ANK3: variants seen among roughly 807,000 people sequenced by gnomAD.
The protein encoded by ANK3 is ankyrin 3.
A neutral mutation model predicts 370.9 loss-of-function variants in ANK3; 57 were observed. That is an observed-to-expected ratio of 0.15 (90% CI 0.12 to 0.19). The LOEUF is 0.19. ANK3 is among the 10% of genes least tolerant of loss of function. ANK3 has a pLI of 1.00. For missense variants in ANK3, 4,439 were observed against 5,302.1 expected (o/e 0.84, Z 5.06); for synonymous variants, 1,929 against 1,946.3 (o/e 0.99, Z 0.23).
chr10:60,617,587 C>T (rs577838134), intron 1 of ANK3, among the ~76,000 whole-genome samples: 2 of 152,274 alleles, frequency 1.3e-5, no homozygotes, highest in African/African-American at 4.8e-5. Context: ...GTGCCTAGCA[C>T]AGCATAAGTG....
intron 1 of ANK3, among the ~76,000 whole-genome samples, chr10:60,322,183 C>T (rs1936046502): frequency 1.3e-5 from 2 of 152,144 alleles, no homozygotes; most frequent in South Asian, 2.1e-4. Context: ...AACTTTTAAG[C>T]TATTTTAATA....
At chr10:60,366,446 T>A (rs1166425089) in intron 1 of ANK3, among the ~76,000 whole-genome samples, 1 of 152,238 alleles carries the variant, frequency 6.6e-6, no homozygotes, top group Non-Finnish European at 1.5e-5. Context: ...GGAGGCACTT[T>A]CAGCACCTCC....
rs529043872 is a variant in ANK3 at position 60,461,840 on chromosome 10, C to T, written c.96+153346G>A. Among the ~76,000 whole-genome samples, 13 of 152,254 alleles carry T rather than the reference C, an allele frequency of 8.5e-5. No homozygotes were observed. The South Asian group carries it at 2.3e-3, about 27-fold the overall frequency. ...GAGATTGATATGAAAATAGCTTCTCCTCACATTAATCCCTCTTCTGCAATC... is the reference window on the plus strand; with the variant it reads ...GAGATTGATATGAAAATAGCTTCTCTTCACATTAATCCCTCTTCTGCAATC... On this transcript the variant is annotated intron_variant, in intron 2 of 43. Transcript: ENST00000373827.
At chr10:60,192,582 A>G (rs2096507399) in intron 16 of ANK3, among the ~76,000 whole-genome samples, 1 of 152,194 alleles carries the variant, frequency 6.6e-6, no homozygotes, top group Non-Finnish European at 1.5e-5. Context: ...CATTATCTTC[A>G]GTAAAATAAC....
chr10:60,539,594 G>T, intron 2 of ANK3, among the ~76,000 whole-genome samples: 1 of 151,956 alleles, frequency 6.6e-6, no homozygotes, highest in East Asian at 1.9e-4. Flanking sequence ...CAGTTTGAAG[G>T]TAGGCGTGCC....
chr10:60,646,964 T>C (rs1271719488), intron 1 of ANK3, among the ~76,000 whole-genome samples: 1 of 152,208 alleles, frequency 6.6e-6, no homozygotes, highest in Non-Finnish European at 1.5e-5. Flanking sequence ...GGTATATTTG[T>C]ATATGTTGCA....
chr10:60,616,142 A>G (rs1293011989), intron 1 of ANK3, among the ~76,000 whole-genome samples: 2 of 152,294 alleles, frequency 1.3e-5, no homozygotes, highest in African/African-American at 4.8e-5. Context: ...GTCATACAGA[A>G]TTAAATCTGC....
chr10:60,523,338 C>T (rs2133185905), intron 2 of ANK3, among the ~76,000 whole-genome samples: 1 of 151,286 alleles, frequency 6.6e-6, no homozygotes, highest in East Asian at 2.0e-4. Flanking sequence ...GTGCTGCACC[C>T]ATTAACTCAT....
chr10:60,166,103 A>G (rs1294618783), intron 23 of ANK3, among the ~76,000 whole-genome samples: 1 of 150,876 alleles, frequency 6.6e-6, no homozygotes, highest in Non-Finnish European at 1.5e-5. Context: ...TTCTATTTCA[A>G]AAGTTTTTTT....
intron 1 of ANK3, among the ~76,000 whole-genome samples, chr10:60,732,940 G>C (rs1321299808): frequency 2.0e-5 from 3 of 151,784 alleles, no homozygotes; most frequent in African/African-American, 4.8e-5. Flanking sequence ...CCCGGGGCCC[G>C]CTTTTCTTTT....
At chr10:60,450,820 A>C (rs1449426266) in intron 2 of ANK3, among the ~76,000 whole-genome samples, 2 of 152,192 alleles carry the variant, frequency 1.3e-5, no homozygotes, top group Non-Finnish European at 2.9e-5. Flanking sequence ...TTCACAGAAC[A>C]CTTAACGTGA....
At chr10:60,297,962 A>G (rs971367097) in intron 1 of ANK3, among the ~76,000 whole-genome samples, 2 of 152,178 alleles carry the variant, frequency 1.3e-5, no homozygotes, top group African/African-American at 4.8e-5. Flanking sequence ...GGATTCCTCC[A>G]ACAGTTAAAT....
chr10:60,037,315 G>A (rs889587097), intron 43 of ANK3, among the ~76,000 whole-genome samples: 1 of 152,054 alleles, frequency 6.6e-6, no homozygotes, highest in Non-Finnish European at 1.5e-5. Flanking sequence ...CAGAGGCTTC[G>A]AATTCCTCTA....
chr10:60,357,961 C>T (rs1396019783), intron 1 of ANK3, among the ~76,000 whole-genome samples: 2 of 152,136 alleles, frequency 1.3e-5, no homozygotes, highest in South Asian at 2.1e-4. Flanking sequence ...TTCTGGGCTT[C>T]TCTTGCCCTC....
At chr10:60,646,900 G>T (rs74527008) in intron 1 of ANK3, among the ~76,000 whole-genome samples, 5 of 152,232 alleles carry the variant, frequency 3.3e-5, no homozygotes, top group East Asian at 1.9e-4. Flanking sequence ...CTTCACAGAA[G>T]TTTCACATAT....
chr10:60,277,640 TC>T (rs2132699000), intron 4 of ANK3, among the ~76,000 whole-genome samples: 1 of 152,294 alleles, frequency 6.6e-6, no homozygotes, highest in Admixed American at 6.5e-5. Flanking sequence ...TAACAGGAAA[TC>T]ATCCTAACTT....
chr10:60,462,435 G>C (rs890573669), intron 2 of ANK3, among the ~76,000 whole-genome samples: 1 of 152,076 alleles, frequency 6.6e-6, no homozygotes, highest in African/African-American at 2.4e-5. Flanking sequence ...TGCTATATAC[G>C]TGTTTATATT....
chr10:60,463,730 C>T (rs2064945981), intron 2 of ANK3, among the ~76,000 whole-genome samples: 1 of 146,284 alleles, frequency 6.8e-6, no homozygotes, highest in Admixed American at 6.8e-5. Context: ...TTTTTTGAGA[C>T]AGATAATAGA....
At chr10:60,465,179 C>A (rs746133467) in intron 2 of ANK3, among the ~76,000 whole-genome samples, 3 of 151,786 alleles carry the variant, frequency 2.0e-5, no homozygotes, top group South Asian at 2.1e-4. Context: ...ATCACCTGAA[C>A]CTGAGAATTT....
Sources: allele counts gnomAD v4.1 joint callset (sites outside exome capture counted in the v4.1 genomes callset), GRCh38; gene constraint gnomAD v4.1.1; transcripts MANE v1.5; gene names NCBI Gene and HGNC (gene_info 2026-07-23, HGNC 2026-07-21).